Variants in RUBCN observed in about 807,000 individuals in gnomAD.
RUBCN encodes the protein run domain Beclin-1-interacting and cysteine-rich domain-containing protein.
In RUBCN, 74 loss-of-function variants were observed where a neutral mutation model predicts 113.2. The observed-to-expected ratio is 0.65, with a 90% CI of 0.54 to 0.79. The LOEUF (loss-of-function observed/expected upper bound fraction) is 0.79, where lower values mean the gene tolerates loss of function less well. Among genes scored for constraint, RUBCN ranks in the 30% least tolerant of loss-of-function variants. The pLI is 0.00. For missense variants in RUBCN, 1,109 were observed against 1,251.7 expected (o/e 0.89, Z 1.72); for synonymous variants, 480 against 490.0 (o/e 0.98, Z 0.27).
intron 16 of RUBCN, among the ~76,000 whole-genome samples, chr3:197,680,243 T>C (rs988595869): frequency 7.0e-6 from 1 of 143,334 alleles, no homozygotes; most frequent in African/African-American, 2.6e-5. Context: ...AACTGACAAC[T>C]GGCTTCAGAC....
intron 11 of RUBCN, among the ~76,000 whole-genome samples, chr3:197,689,394 T>C (rs1722183132): frequency 6.6e-6 from 1 of 152,110 alleles, no homozygotes; most frequent in Non-Finnish European, 1.5e-5. Flanking sequence ...GTCATGTGTA[T>C]AAAAATTTTA....
chr3:197,685,822 A>G (rs1480322022), intron 11 of RUBCN, among the ~76,000 whole-genome samples: 1 of 152,228 alleles, frequency 6.6e-6, no homozygotes, highest in Non-Finnish European at 1.5e-5. Context: ...TAGTGCTGGT[A>G]GAGAAAAGAA....
At chr3:197,705,198 G>A (rs370801829) in intron 2 of RUBCN, 23 bp from the exon 3 acceptor site, 32 of 1,605,236 alleles carry the variant, frequency 2.0e-5, no homozygotes, top group Non-Finnish European at 2.4e-5. Flanking sequence ...CACATACAAT[G>A]AGCAAATCAC....
At position 197,706,986 on chromosome 3, in the gene RUBCN, CTGGG is replaced by C. The variant is rs1724372283; in HGVS notation, c.220-1815_220-1812del. Reference sequence around the variant, plus strand: ...GTGGATTTTAAGTGGCCAGCCAGGGCTGGGCAGCCGTGGGACATCAACTCCAGCA... The same window carrying C: ...GTGGATTTTAAGTGGCCAGCCAGGGCCAGCCGTGGGACATCAACTCCAGCA... On this transcript the variant is annotated intron_variant, in intron 2 of 19. Coordinates refer to ENST00000296343, the MANE Select transcript of RUBCN (RefSeq NM_014687.4). Among the ~76,000 whole-genome samples the C allele has an allele frequency of 1.3e-4, 19 of 151,466 alleles. 1 individual carries two copies. The highest frequency in any genetic ancestry group is 4.7e-4 in the African/African-American group (19 of 40,776).
intron 2 of RUBCN, among the ~76,000 whole-genome samples, chr3:197,706,312 C>T (rs1724293720): frequency 1.3e-5 from 2 of 152,102 alleles, no homozygotes; most frequent in African/African-American, 4.8e-5. Flanking sequence ...TTTCGATAAC[C>T]TTTTCTGAGA....
Position 197,701,079 on chromosome 3 carries a change from G to A in RUBCN, c.795C>T (p.Val265=), listed in dbSNP as rs372991975. 1.4e-5 allele frequency: 22 copies of A among 1,604,098 alleles called. No individual in the cohort carries two copies. In the African/African-American group the frequency reaches 2.8e-4, roughly 20 times the overall value. ...GGATGGTTTGATCCTCTGCTGGTGA[G>A]ACGTGCCCTCTGCTTTCTTGAGGTT... ...PRKPQESRGH[V]SPAEDQTIQA... The change falls in exon 7 of 20, where the codon GTC becomes GTT. Residue 265 remains valine (V), a synonymous_variant. Transcript: ENST00000296343.
intron 7 of RUBCN, chr3:197,699,258 G>C (rs1380547237): frequency 1.3e-6 from 2 of 1,499,214 alleles, no homozygotes; most frequent in African/African-American, 2.8e-5. Flanking sequence ...AGGTGCAGAG[G>C]AGAGTCCAGA....
rs1722789628 is a variant in RUBCN at position 197,694,523 on chromosome 3, G to A, written c.1536C>T (p.Asn512=). The change falls in exon 10 of 20, where the codon AAC becomes AAT. Residue 512 remains asparagine (N), a synonymous_variant. Coordinates refer to ENST00000296343, the MANE Select transcript of RUBCN (RefSeq NM_014687.4). ...LIAAIELMKC[N]MMSQCLEEEE... is the part of the protein sequence containing the mutation. ...CCTCCTCTAGGCACTGGCTCATCATGTTGCACTTCATTAGCTCGATGGCAG... is the reference window on the plus strand; with the variant it reads ...CCTCCTCTAGGCACTGGCTCATCATATTGCACTTCATTAGCTCGATGGCAG... 6.2e-7 allele frequency: 1 copy of A among 1,614,196 alleles called. No individual in the cohort carries two copies. Among genetic ancestry groups the A allele is most frequent in the South Asian group, 1.1e-5 (1 of 91,082 alleles).
Position 197,669,329 on chromosome 3 carries a change from G to A in RUBCN, c.*5689C>T, listed in dbSNP as rs1296683842. Among the ~76,000 whole-genome samples the A allele has an allele frequency of 6.6e-6, 1 of 152,180 alleles. No homozygotes were observed. The highest frequency in any genetic ancestry group is 1.5e-5 in the Non-Finnish European group (1 of 68,024). On this transcript the variant is annotated 3_prime_UTR_variant, in exon 20 of 20. Coordinates refer to ENST00000296343, the MANE Select transcript of RUBCN (RefSeq NM_014687.4). The stretch of plus-strand genomic sequence containing the variant: ...CACCCGGGATCCCACATGGCATTCA[G>A]TCATCGTATCTGCTTAGTCTCCTCT...
intron 7 of RUBCN, 43 bp downstream of exon 7, chr3:197,700,570 T>G (rs776013275): frequency 3.1e-6 from 5 of 1,606,308 alleles, no homozygotes; most frequent in Non-Finnish European, 3.4e-6. Flanking sequence ...TTACTCTCAA[T>G]TCAGGGTCAT....
chr3:197,735,757 A>T (rs1020694399), intron 1 of RUBCN, among the ~76,000 whole-genome samples: 2 of 151,718 alleles, frequency 1.3e-5, no homozygotes, highest in African/African-American at 4.8e-5. Flanking sequence ...ACGCCGAGCT[A>T]ATTTTTGTAT....
chr3:197,678,310 T>TGTC (rs1278171068), intron 16 of RUBCN, among the ~76,000 whole-genome samples: 1 of 150,146 alleles, frequency 6.7e-6, no homozygotes, highest in Non-Finnish European at 1.5e-5. Context: ...GGCTTCAGAC[T>TGTC]GTCCTATGCT....
intron 2 of RUBCN, among the ~76,000 whole-genome samples, chr3:197,708,544 G>C (rs1724583402): frequency 7.8e-6 from 1 of 128,624 alleles, no homozygotes; most frequent in East Asian, 2.1e-4. Flanking sequence ...AAAGACTACA[G>C]TGGTAGACTC....
Position 197,681,920 on chromosome 3 carries a change from G to A in RUBCN, c.2127-21C>T. ...TCCTCCTGAGGAAGGGTAAGGACAGGGCATTGGCACAGAGCAGCTGCGTGA... is the reference window on the plus strand; with the variant it reads ...TCCTCCTGAGGAAGGGTAAGGACAGAGCATTGGCACAGAGCAGCTGCGTGA... On this transcript the variant is annotated intron_variant, in intron 14 of 19. Coordinates refer to ENST00000296343, the MANE Select transcript of RUBCN (RefSeq NM_014687.4). The surrounding 1 kb of genome is among the most constrained non-coding windows in gnomAD (Gnocchi z 5.5). 1 of 1,606,448 alleles carries A rather than the reference G, an allele frequency of 6.2e-7. No homozygotes were observed. Among genetic ancestry groups the A allele is most frequent in the East Asian group, 2.2e-5 (1 of 44,830 alleles).
chr3:197,724,264 A>G (rs752595375), intron 1 of RUBCN, among the ~76,000 whole-genome samples: 30 of 151,934 alleles, frequency 2.0e-4, no homozygotes, highest in Non-Finnish European at 3.4e-4. Context: ...TATAATAAGT[A>G]TGTTATAATA....
At chr3:197,748,851 A>T (rs906165927) in intron 1 of RUBCN, among the ~76,000 whole-genome samples, 4 of 152,380 alleles carry the variant, frequency 2.6e-5, no homozygotes, top group African/African-American at 7.2e-5. Flanking sequence ...GCCACATGAC[A>T]TTGTGACATG....
chr3:197,715,334 A>G (rs1725409497), intron 2 of RUBCN, among the ~76,000 whole-genome samples: 1 of 151,964 alleles, frequency 6.6e-6, no homozygotes, highest in Non-Finnish European at 1.5e-5. Context: ...CAACATTAAT[A>G]AAGTTTATAT....
At chr3:197,739,847 C>A (rs1728452916), upstream of RUBCN, among the ~76,000 whole-genome samples, 1 of 152,132 alleles carries the variant, frequency 6.6e-6, no homozygotes, top group Non-Finnish European at 1.5e-5. Context: ...ACCAGCCTGG[C>A]CAACATAGTG....
upstream of RUBCN, among the ~76,000 whole-genome samples, chr3:197,739,370 GATAAGAGCAAGACTTCGTCTGAA>G: frequency 6.9e-6 from 1 of 145,476 alleles, no homozygotes; most frequent in East Asian, 2.2e-4. Context: ...CAGCCTGGGC[GATAAGAGCAAGACTTCGTCTGAA>G]AAAAGAAAAA....
Sources: gnomAD v4.1 joint callset for allele counts (sites outside exome capture counted in the v4.1 genomes callset) on GRCh38, gnomAD v4.1.1 for gene constraint, Gnocchi (gnomAD v3.1) non-coding constraint, MANE v1.5 for transcripts, NCBI Gene and HGNC (gene_info 2026-07-23, HGNC 2026-07-21) for gene names.